Variants in CD80 observed in about 807,000 individuals in gnomAD.
The protein encoded by CD80 is T-lymphocyte activation antigen CD80.
CD80 carries 13 observed loss-of-function variants against 27.1 expected under a neutral mutation model. The observed-to-expected ratio is 0.48, with a 90% CI of 0.31 to 0.76. The LOEUF is 0.76. CD80 is among the 30% of genes least tolerant of loss of function. The pLI is 0.04. For missense variants in CD80, 277 were observed against 347.9 expected, an observed-to-expected ratio of 0.80 and a Z score of 1.62; for synonymous variants, 125 against 125.5, an observed-to-expected ratio of 1.00 and a Z score of 0.03.
At position 119,544,757 on chromosome 3, in the gene CD80, T is replaced by G; in HGVS notation, c.211A>C (p.Lys71Gln). The change falls in exon 3 of 7, where the codon AAA (lysine) becomes CAA (glutamine). Residue 71 changes from lysine to glutamine, a missense_variant. Physicochemically the swap from Lys to Gln is moderately conservative, Grantham distance 53. Transcript: ENST00000264246. The stretch of plus-strand genomic sequence containing the variant: ...CCAGACATCATAGTCAGCACCATTT[T>G]CTTCTCCTTTTGCCAGTAGATGCGA... ...QTRIYWQKEK[K>Q]MVLTMMSGDM... 1 of 1,614,220 alleles carries G rather than the reference T, an allele frequency of 6.2e-7. No homozygotes were observed. Among genetic ancestry groups the G allele is most frequent in the Non-Finnish European group, 8.5e-7 (1 of 1,180,048 alleles).
At chr3:119,544,445 G>A (rs1188582320) in intron 3 of CD80, 105 bp downstream of exon 3, 3 of 887,582 alleles carry the variant, frequency 3.4e-6, no homozygotes, top group East Asian at 2.5e-5. Flanking sequence ...AATGAAGTGA[G>A]ATACATCCCT....
intron 6 of CD80, among the ~76,000 whole-genome samples, chr3:119,525,981 A>C (rs923620710): frequency 1.5e-4 from 23 of 151,970 alleles, no homozygotes; most frequent in Non-Finnish European, 2.2e-4. Flanking sequence ...CAGCTTGTAC[A>C]CAGTAACCTT....
intron 3 of CD80, chr3:119,544,336 G>C (rs1243610257): frequency 2.1e-5 from 12 of 572,122 alleles, no homozygotes; most frequent in Non-Finnish European, 3.4e-5. Context: ...CATGAACTTG[G>C]ATTGTCAAAG....
In CD80 at chr3:119,543,887, C is replaced by CT. The variant is rs71619749; in HGVS notation, c.418+662dup. On this transcript the variant is annotated intron_variant, in intron 3 of 6. Transcript: ENST00000264246. The stretch of plus-strand genomic sequence containing the variant: ...GAAAAAGATTTATGCCTCCATTGTT[C>CT]TTTTTTTTTTTTTTTTTTTGAGATG... Among the ~76,000 whole-genome samples the CT allele has an allele frequency of 7.8e-4, 77 of 99,090 alleles. 1 individual carries two copies. The highest frequency in any genetic ancestry group is 4.1e-3 in the East Asian group (16 of 3,922). The allele number at this position is 99,090 out of a possible 152,430, so 65.0% of individuals were successfully genotyped here. A position where few individuals can be genotyped will look rare whatever the true frequency, so the allele number is the denominator to read the frequency against.
chr3:119,546,815 A>AACACACACACACACACACACACACACAC (rs10661634), intron 2 of CD80, among the ~76,000 whole-genome samples: 1 of 149,282 alleles, frequency 6.7e-6, no homozygotes, highest in Non-Finnish European at 1.5e-5. Context: ...GTGATGCAAC[A>AACACACACACACACACACACACACACAC]ACACACACAC....
At chr3:119,554,036 G>A (rs626364) in intron 2 of CD80, among the ~76,000 whole-genome samples, 82,610 of 152,108 alleles carry the variant, frequency 0.54, 23,608 homozygotes, top group African/African-American at 0.73. Flanking sequence ...GTGTCTCCTC[G>A]TGTTCACACT....
At chr3:119,550,123 C>T (rs906076603) in intron 2 of CD80, among the ~76,000 whole-genome samples, 2 of 152,202 alleles carry the variant, frequency 1.3e-5, no homozygotes, top group Non-Finnish European at 2.9e-5. Flanking sequence ...TTTCTCCCTC[C>T]TCCCACTGCC....
At chr3:119,542,590 G>T (rs904708400) in intron 3 of CD80, among the ~76,000 whole-genome samples, 5 of 152,082 alleles carry the variant, frequency 3.3e-5, no homozygotes, top group Admixed American at 2.0e-4. Flanking sequence ...TAATTAAAGT[G>T]AAACCCCCTT....
At chr3:119,546,815 AACACACACAC>A (rs10661634) in intron 2 of CD80, among the ~76,000 whole-genome samples, 2 of 149,282 alleles carry the variant, frequency 1.3e-5, no homozygotes, top group Admixed American at 6.7e-5. Context: ...GTGATGCAAC[AACACACACAC>A]ACACACACAC....
chr3:119,530,108 G>A (rs2082101828), intron 4 of CD80, among the ~76,000 whole-genome samples, 171 bp from the exon 5 acceptor site: 1 of 152,052 alleles, frequency 6.6e-6, no homozygotes, highest in Non-Finnish European at 1.5e-5. Context: ...ACATACTTGT[G>A]GGCAACTAAT....
intron 5 of CD80, among the ~76,000 whole-genome samples, chr3:119,529,046 T>G (rs565049032): frequency 6.6e-6 from 1 of 151,766 alleles, no homozygotes; most frequent in South Asian, 2.1e-4. Context: ...GGTTCCTGGG[T>G]TCAAGCAATT....
chr3:119,545,739 C>CA (rs2082199346), intron 2 of CD80, among the ~76,000 whole-genome samples: 1 of 142,608 alleles, frequency 7.0e-6, no homozygotes, highest in Admixed American at 6.8e-5. Context: ...TACACACACA[C>CA]CCCCCCCCAC....
At chr3:119,545,206 G>A (rs2082194266) in intron 2 of CD80, among the ~76,000 whole-genome samples, 1 of 152,028 alleles carries the variant, frequency 6.6e-6, no homozygotes, top group African/African-American at 2.4e-5. Flanking sequence ...TTAGCCGGGT[G>A]TGGTGGCGGG....
chr3:119,550,472 C>T (rs1231531755), intron 2 of CD80, among the ~76,000 whole-genome samples: 3 of 152,150 alleles, frequency 2.0e-5, no homozygotes, highest in Non-Finnish European at 4.4e-5. Flanking sequence ...GAAATTCACA[C>T]GGGAACCCAG....
At position 119,549,164 on chromosome 3, in the gene CD80, T is replaced by G. The variant is rs546896770; in HGVS notation, c.101-4297A>C. The stretch of plus-strand genomic sequence containing the variant: ...TTGGACTATTTCTACCATCTTCAGG[T>G]ACCCTAAATGGATCCTATATCCTGC... On this transcript the variant is annotated intron_variant, in intron 2 of 6. Coordinates refer to ENST00000264246, the MANE Select transcript of CD80 (RefSeq NM_005191.4). Among the ~76,000 whole-genome samples, 139 of 152,326 alleles carry G rather than the reference T, an allele frequency of 9.1e-4. 1 individual carries two copies. The highest frequency in any genetic ancestry group is 3.3e-3 in the African/African-American group (136 of 41,564).
rs781288699 is a variant in CD80 at position 119,527,813 on chromosome 3, C to T, written c.825G>A (p.Arg275=). ...YCFAPRCRER[R]RNERLRRESV... ...TTTCCCTTCTCAATCTCTCATTCCTCCTTCTCTCTCTGCATCTTGGGGCAA... is the reference window on the plus strand; with the variant it reads ...TTTCCCTTCTCAATCTCTCATTCCTTCTTCTCTCTCTGCATCTTGGGGCAA... The change falls in exon 6 of 7, where the codon AGG becomes AGA. Residue 275 remains arginine, a synonymous_variant. Coordinates refer to ENST00000264246, the MANE Select transcript of CD80 (RefSeq NM_005191.4). 6.2e-7 allele frequency: 1 copy of T among 1,614,022 alleles called. No homozygotes were observed. Among genetic ancestry groups the T allele is most frequent in the Admixed American group, 1.7e-5 (1 of 60,022 alleles).
chr3:119,530,759 A>G (rs1319502728), intron 4 of CD80, among the ~76,000 whole-genome samples: 2 of 152,184 alleles, frequency 1.3e-5, no homozygotes, highest in Non-Finnish European at 2.9e-5. Context: ...ATAGCAGCTC[A>G]TTTTCTGGTT....
intron 2 of CD80, among the ~76,000 whole-genome samples, chr3:119,557,392 C>T (rs1263455845): frequency 1.3e-5 from 2 of 152,148 alleles, no homozygotes; most frequent in South Asian, 2.1e-4. Context: ...GTCCCTTCCA[C>T]GCTTCCTTGA....
At chr3:119,550,311 T>A (rs930344168) in intron 2 of CD80, among the ~76,000 whole-genome samples, 1 of 152,168 alleles carries the variant, frequency 6.6e-6, no homozygotes, top group African/African-American at 2.4e-5. Flanking sequence ...TTTTGGTATG[T>A]GGTGATGTTA....
Sources: gnomAD v4.1 joint callset for allele counts (sites outside exome capture counted in the v4.1 genomes callset) on GRCh38, gnomAD v4.1.1 for gene constraint, MANE v1.5 for transcripts, NCBI Gene and HGNC (gene_info 2026-07-23, HGNC 2026-07-21) for gene names.